DBF4B: variants seen among roughly 807,000 people sequenced by gnomAD.
DBF4B encodes the protein protein DBF4 homolog B.
Under a neutral mutation model 53.4 loss-of-function variants are expected in DBF4B, and 49 were observed. The observed-to-expected ratio is 0.92, with a 90% CI of 0.73 to 1.16. DBF4B has a LOEUF of 1.16. Among genes scored for constraint, DBF4B ranks in the 50% most tolerant of loss-of-function variants. The pLI is 0.00. For synonymous variants in DBF4B, 257 were observed against 288.7 expected, an observed-to-expected ratio of 0.89 and a Z score of 1.11; for missense variants, 692 against 775.0, an observed-to-expected ratio of 0.89 and a Z score of 1.27.
At chr17:44,738,567 T>A in intron 9 of DBF4B, 143 bp downstream of exon 9, 1 of 791,518 alleles carries the variant, frequency 1.3e-6, no homozygotes, top group Non-Finnish European at 1.9e-6. Context: ...GAAGCCACTT[T>A]CTCCCATTGT....
intron 2 of DBF4B, chr17:44,718,865 G>T (rs1354239917): frequency 6.6e-6 from 1 of 151,692 alleles, no homozygotes; most frequent in African/African-American, 2.4e-5. Context: ...CGAGGCTCAG[G>T]CAGAAGAATC....
At chr17:44,747,007 C>G in intron 10 of DBF4B, 76 bp from the exon 11 acceptor site, 1 of 1,392,596 alleles carries the variant, frequency 7.2e-7, no homozygotes, top group Non-Finnish European at 1.0e-6. Flanking sequence ...GACCTAGGCT[C>G]CAGGCTCTAA....
At chr17:44,730,153 G>A in intron 4 of DBF4B, 57 bp downstream of exon 4, 1 of 1,560,654 alleles carries the variant, frequency 6.4e-7, no homozygotes, top group Non-Finnish European at 8.7e-7. Flanking sequence ...AGGCTTTGGT[G>A]AGCCTTTTAA....
At chr17:44,742,365 G>A (rs1976139258) in intron 10 of DBF4B, among the ~76,000 whole-genome samples, 1 of 149,232 alleles carries the variant, frequency 6.7e-6, no homozygotes. Flanking sequence ...AGCTGAGATT[G>A]CGCCACTGTA....
chr17:44,710,662 A>G (rs1159763700), intron 2 of DBF4B, among the ~76,000 whole-genome samples: 3 of 151,126 alleles, frequency 2.0e-5, no homozygotes, highest in African/African-American at 7.3e-5. Context: ...CCTCACCGGG[A>G]TCAAGTGATC....
At chr17:44,717,239 C>G (rs2144790043) in intron 2 of DBF4B, among the ~76,000 whole-genome samples, 1 of 152,238 alleles carries the variant, frequency 6.6e-6, no homozygotes, top group African/African-American at 2.4e-5. Flanking sequence ...GTTACTCAAC[C>G]TAATTTACCA....
intron 2 of DBF4B, among the ~76,000 whole-genome samples, chr17:44,722,387 C>T (rs1246928365): frequency 6.6e-6 from 1 of 152,224 alleles, no homozygotes; most frequent in Non-Finnish European, 1.5e-5. Flanking sequence ...CTCGAATACA[C>T]ATGCATATTC....
intron 10 of DBF4B, among the ~76,000 whole-genome samples, chr17:44,743,189 T>A (rs529480816): frequency 1.3e-5 from 2 of 152,176 alleles, no homozygotes; most frequent in South Asian, 4.2e-4. Flanking sequence ...ACAGAGGAGC[T>A]AAGAGGCTGT....
intron 3 of DBF4B, among the ~76,000 whole-genome samples, chr17:44,726,347 A>G (rs1319644778): frequency 9.5e-6 from 1 of 105,318 alleles, no homozygotes; most frequent in Admixed American, 1.0e-4. Context: ...TGCCTTACCC[A>G]GTTGCCTGCA....
At chr17:44,720,052 GTTC>G (rs1973687687) in intron 2 of DBF4B, 1 of 241,942 alleles carries the variant, frequency 4.1e-6, no homozygotes, top group Non-Finnish European at 8.4e-6. Context: ...TTTCTGGTGT[GTTC>G]TTCGTAGAGG....
At chr17:44,738,042 C>G (rs1339639362) in intron 8 of DBF4B, among the ~76,000 whole-genome samples, 1 of 152,230 alleles carries the variant, frequency 6.6e-6, no homozygotes, top group Non-Finnish European at 1.5e-5. Context: ...GTTTCTCCCA[C>G]CAAACCAGCC....
At position 44,751,249 on chromosome 17, in the gene DBF4B, G is replaced by C. The variant is rs753416649; in HGVS notation, c.1844G>C (p.Gly615Ala). The C allele has an allele frequency of 1.2e-6, 2 of 1,611,858 alleles. No individual in the cohort carries two copies. Among genetic ancestry groups the C allele is most frequent in the East Asian group, 4.5e-5 (2 of 44,862 alleles). Residue 615 changes from glycine (G) to alanine (A), a missense_variant, in exon 14 of 14, where the codon GGT becomes GCT. Coordinates refer to ENST00000315005, the MANE Select transcript of DBF4B (RefSeq NM_145663.3). ...TGCGGCTTCCTGGCTGTAGACTCAGGTTAGAGGTGAACCCAGAACACCTGA... is the reference window on the plus strand; with the variant it reads ...TGCGGCTTCCTGGCTGTAGACTCAGCTTAGAGGTGAACCCAGAACACCTGA... ...LHCGFLAVDS[G>A]
chr17:44,736,696 G>A, intron 7 of DBF4B, 134 bp from the exon 8 acceptor site: 1 of 897,510 alleles, frequency 1.1e-6, no homozygotes, highest in Non-Finnish European at 1.8e-6. Flanking sequence ...CAGGGCCTGA[G>A]AGTCTGGTTC....
Position 44,722,880 on chromosome 17 carries a change from G to A in DBF4B, c.83G>A (p.Gly28Glu), listed in dbSNP as rs1371777180. The part of the protein sequence containing the change: ...AESRLRAPDL[G>E]VSRCLGKCQK... ...TTTGCTCCTCTTTATTGTTTTCTAG[G>A]AGTTTCCAGGTGTCTAGGAAAATGC... The change falls in exon 3 of 14, where the codon GGA (glycine) becomes GAA (glutamate). Residue 28 changes from glycine (G) to glutamate (E), a missense_variant and splice_region_variant. Around this residue, in one of 3 missense-constraint regions of DBF4B, gnomAD observed 66 missense variants for 51.3 expected, o/e 1.29. Transcript: ENST00000315005. 1 of 1,613,456 alleles carries A rather than the reference G, an allele frequency of 6.2e-7. No individual in the cohort carries two copies. The highest frequency in any genetic ancestry group is 2.2e-5 in the East Asian group (1 of 44,872).
At chr17:44,728,701 C>G (rs895243293) in intron 3 of DBF4B, among the ~76,000 whole-genome samples, 6 of 151,556 alleles carry the variant, frequency 4.0e-5, no homozygotes, top group African/African-American at 7.3e-5. Flanking sequence ...CCTGTAGTCT[C>G]AGCTATTCGG....
chr17:44,743,725 C>T (rs1976308379), intron 10 of DBF4B, among the ~76,000 whole-genome samples: 1 of 151,666 alleles, frequency 6.6e-6, no homozygotes, highest in African/African-American at 2.4e-5. Flanking sequence ...ATTCTCCTCC[C>T]TCAGCCTCCT....
rs988552437 is a variant in DBF4B, at chr17:44,749,079, AGG to A, written c.1189+615_1189+616del. On this transcript the variant is annotated intron_variant, in intron 13 of 13. Coordinates refer to ENST00000315005, the MANE Select transcript of DBF4B (RefSeq NM_145663.3). This position sits in a 1 kb window ranked among gnomAD's most constrained non-coding sequence, Gnocchi z 4.4. ...AGCTCCTCAGCTGCCCCACAGCTCC[AGG>A]CTGGCCATCAGCTCCCCTGTACTCA... 1.6e-6 allele frequency: 2 copies of A among 1,289,674 alleles called. No individual in the cohort carries two copies. The highest frequency in any genetic ancestry group is 1.5e-5 in the African/African-American group (1 of 65,840). The allele number at this position is 1,289,674 out of a possible 1,614,324, so 79.9% of individuals were successfully genotyped here. A position where few individuals can be genotyped will look rare whatever the true frequency, so the allele number is the denominator to read the frequency against.
chr17:44,750,255 T>C (rs1427583048), intron 13 of DBF4B: 1 of 1,046,856 alleles, frequency 9.6e-7, no homozygotes, highest in East Asian at 7.7e-5. Flanking sequence ...TGGCCACTTT[T>C]TCTTTCATTA....
intron 2 of DBF4B, chr17:44,718,833 C>T (rs1973569669): frequency 6.6e-6 from 1 of 151,718 alleles, no homozygotes; most frequent in South Asian, 2.1e-4. Flanking sequence ...TTTGGTGCCG[C>T]ATGCCTGTAA....
Sources: allele counts gnomAD v4.1 joint callset (sites outside exome capture counted in the v4.1 genomes callset), GRCh38; gene constraint gnomAD v4.1.1; regional missense constraint gnomAD v4.1.1; non-coding constraint Gnocchi (gnomAD v3.1); transcripts MANE v1.5; gene names NCBI Gene and HGNC (gene_info 2026-07-23, HGNC 2026-07-21).